The following KLF15 variants were observed in gnomAD, a reference collection of about 807,000 sequenced individuals.
The protein encoded by KLF15 is KLF transcription factor 15, also known as Krueppel-like factor 15.
Under a neutral mutation model 24.6 loss-of-function variants are expected in KLF15, and 4 were observed. That is an observed-to-expected ratio of 0.16 (90% CI 0.08 to 0.37). The LOEUF is 0.37. KLF15 is among the 10% of genes least tolerant of loss of function. The pLI is 1.00. For synonymous variants in KLF15, 246 were observed against 236.3 expected (o/e 1.04, Z -0.37); for missense variants, 496 against 560.6 (o/e 0.88, Z 1.16).
intron 2 of KLF15, among the ~76,000 whole-genome samples, chr3:126,348,052 C>A (rs770369601): frequency 2.0e-5 from 3 of 151,894 alleles, no homozygotes; most frequent in Non-Finnish European, 4.4e-5. Context: ...CCCCAAAGAC[C>A]AGGCTGAGCT....
At chr3:126,305,855 G>C in the KLF15 span, among the ~76,000 whole-genome samples, 4 of 152,246 alleles carry the variant, frequency 2.6e-5, no homozygotes, top group Non-Finnish European at 5.9e-5. Context: ...AGGAAGAAGA[G>C]AGAAATGTTT....
the KLF15 span, among the ~76,000 whole-genome samples, chr3:126,328,648 T>C: frequency 3.3e-5 from 5 of 152,162 alleles, no homozygotes; most frequent in African/African-American, 1.2e-4. Flanking sequence ...TTGATGAAGT[T>C]TGCCAAATTA....
intron 1 of KLF15, among the ~76,000 whole-genome samples, chr3:126,353,800 C>G (rs572178799): frequency 6.6e-6 from 1 of 152,354 alleles, no homozygotes; most frequent in African/African-American, 2.4e-5. Flanking sequence ...GCTTGAGCAT[C>G]CTGGTGGCCA....
intron 2 of KLF15, among the ~76,000 whole-genome samples, chr3:126,350,957 G>T (rs957340245): frequency 3.9e-5 from 6 of 152,250 alleles, no homozygotes; most frequent in Non-Finnish European, 8.8e-5. Context: ...TTTGGGATGG[G>T]CATCAGGAAC....
the KLF15 span, among the ~76,000 whole-genome samples, chr3:126,324,018 T>C: frequency 7.1e-6 from 1 of 140,772 alleles, no homozygotes; most frequent in Non-Finnish European, 1.5e-5. Context: ...TAAATAGTCC[T>C]GCAATAAACA....
chr3:126,323,403 TTATATA>T, the KLF15 span, among the ~76,000 whole-genome samples: 287 of 50,794 alleles, frequency 5.7e-3, 8 homozygotes, highest in African/African-American at 0.022. Flanking sequence ...GCCCCAGTAG[TTATATA>T]TATATATATA....
At position 126,343,055 on chromosome 3, in the gene KLF15, TG is replaced by T. The variant is rs1306693748; in HGVS notation, c.*671del. 6.7e-6 allele frequency: 1 copy of T among 150,092 alleles called. No individual in the cohort carries two copies. The highest frequency in any genetic ancestry group is 1.5e-5 in the Non-Finnish European group (1 of 67,510). The allele number at this position is 150,092 out of a possible 1,614,324, so 9.3% of individuals were successfully genotyped here. Reference sequence around the variant, plus strand: ...GGGTACAGGCCCTTCTGGCTCTGTCTGCCCTGCACATTTAACTCAAGCACAT... The same window carrying T: ...GGGTACAGGCCCTTCTGGCTCTGTCTCCCTGCACATTTAACTCAAGCACAT... On this transcript the variant is annotated 3_prime_UTR_variant, in exon 3 of 3. Coordinates refer to ENST00000296233, the MANE Select transcript of KLF15 (RefSeq NM_014079.4).
the KLF15 span, among the ~76,000 whole-genome samples, chr3:126,299,030 G>T: frequency 6.6e-6 from 1 of 152,076 alleles, no homozygotes; most frequent in Non-Finnish European, 1.5e-5. Flanking sequence ...GATGGGAATT[G>T]CATTAAATCT....
the KLF15 span, among the ~76,000 whole-genome samples, chr3:126,303,840 CTTATA>C: frequency 4.6e-5 from 7 of 151,788 alleles, no homozygotes; most frequent in East Asian, 1.4e-3. Flanking sequence ...TGTGTATCAC[CTTATA>C]TTATTTCTTT....
the KLF15 span, among the ~76,000 whole-genome samples, chr3:126,317,201 T>C: frequency 6.6e-6 from 1 of 152,160 alleles, no homozygotes; most frequent in Non-Finnish European, 1.5e-5. Context: ...CTTCTATGCC[T>C]TGTGGTGTTC....
the KLF15 span, among the ~76,000 whole-genome samples, chr3:126,337,577 T>TAAA: frequency 0.064 from 9,702 of 150,494 alleles, 1,072 homozygotes; most frequent in African/African-American, 0.23. Context: ...AAAGTATAAT[T>TAAA]AAAAAAAAAG....
At chr3:126,341,561 C>T (rs1445683121), downstream of KLF15, among the ~76,000 whole-genome samples, 2 of 152,184 alleles carry the variant, frequency 1.3e-5, no homozygotes, top group Admixed American at 6.5e-5. Context: ...GGACAGAGGT[C>T]ACTAGGCCCA....
At position 126,343,874 on chromosome 3, in the gene KLF15, C is replaced by G. The variant is rs2082506700; in HGVS notation, c.1104G>C (p.Leu368=). ...CTGAGTGCGAGCGCCTGTGCCGCGA[C>G]AGCTCGTCAGAGCGCGAGAACCTGC... ...CGWRFSRSDE[L]SRHRRSHSGV... is the part of the protein sequence containing the mutation. Residue 368 remains leucine, a synonymous_variant, in exon 3 of 3, where the codon CTG becomes CTC. Transcript: ENST00000296233. The G allele has an allele frequency of 6.3e-7, 1 of 1,595,800 alleles. No homozygotes were observed. The highest frequency in any genetic ancestry group is 1.1e-5 in the South Asian group (1 of 89,400).
At chr3:126,327,521 G>T in the KLF15 span, among the ~76,000 whole-genome samples, 1 of 152,118 alleles carries the variant, frequency 6.6e-6, no homozygotes, top group African/African-American at 2.4e-5. Flanking sequence ...GAGGAGCAGG[G>T]TCAAACTCCA....
the KLF15 span, among the ~76,000 whole-genome samples, chr3:126,324,041 T>A: frequency 5.3e-4 from 68 of 129,362 alleles, no homozygotes; most frequent in African/African-American, 2.1e-3. Flanking sequence ...TGTGTGCATG[T>A]GTCTTTATAG....
chr3:126,324,733 T>G, the KLF15 span, among the ~76,000 whole-genome samples: 1 of 149,082 alleles, frequency 6.7e-6, no homozygotes, highest in Admixed American at 6.7e-5. Context: ...CATGTCCATC[T>G]GTCCTTCATT....
At chr3:126,288,482 C>T in the KLF15 span, 1 of 152,352 alleles carries the variant, frequency 6.6e-6, no homozygotes, top group South Asian at 2.1e-4. Context: ...TCAGTCCCCA[C>T]GCGAGTCGCC....
At chr3:126,338,445 A>G (rs1182376186), downstream of KLF15, among the ~76,000 whole-genome samples, 1 of 152,238 alleles carries the variant, frequency 6.6e-6, no homozygotes, top group East Asian at 1.9e-4. Flanking sequence ...CTCTGGGGAT[A>G]GCTGTTCAAC....
chr3:126,332,319 C>T, the KLF15 span, among the ~76,000 whole-genome samples: 17 of 148,032 alleles, frequency 1.1e-4, no homozygotes, highest in African/African-American at 4.0e-4. Context: ...ACACTGACAC[C>T]TCACACTGCA....
Sources: allele counts gnomAD v4.1 joint callset (sites outside exome capture counted in the v4.1 genomes callset), GRCh38; gene constraint gnomAD v4.1.1; transcripts MANE v1.5; gene names NCBI Gene and HGNC (gene_info 2026-07-23, HGNC 2026-07-21).